Variants in ARID2 observed in about 807,000 individuals in gnomAD.
ARID2 encodes AT-rich interactive domain-containing protein 2.
Under a neutral mutation model 184.6 loss-of-function variants are expected in ARID2, and 32 were observed. The ratio of observed to expected loss-of-function variants is 0.17; its 90% CI spans 0.13 to 0.23. The LOEUF (loss-of-function observed/expected upper bound fraction) is 0.23. ARID2 is among the 10% of genes least tolerant of loss of function. The pLI, the probability that ARID2 is intolerant of heterozygous loss-of-function variation, is 1.00. For missense variants in ARID2, 1,696 were observed against 2,197.6 expected (o/e 0.77, Z 4.56); for synonymous variants, 836 against 772.6 (o/e 1.08, Z -1.36).
At chr12:45,787,484 C>T (rs1474628650) in intron 3 of ARID2, among the ~76,000 whole-genome samples, 1 of 151,954 alleles carries the variant, frequency 6.6e-6, no homozygotes, top group Non-Finnish European at 1.5e-5. Flanking sequence ...ATCCTCCCAC[C>T]TTCGCCTCCC....
At chr12:45,778,779 A>T (rs1021344592) in intron 3 of ARID2, among the ~76,000 whole-genome samples, 1 of 152,024 alleles carries the variant, frequency 6.6e-6, no homozygotes, top group East Asian at 1.9e-4. Flanking sequence ...TCTTTGGAAA[A>T]TAATGGGCTG....
In ARID2 at chr12:45,893,833, G is replaced by T. The variant is rs1944335048; in HGVS notation, c.5363+112G>T. 9.2e-6 allele frequency: 9 copies of T among 977,982 alleles called. No homozygotes were observed. The South Asian group carries it at 1.9e-4, about 21-fold the overall frequency. 60.6% of individuals were successfully genotyped at this position (977,982 alleles called of 1,614,324 possible). A position where few individuals can be genotyped will look rare whatever the true frequency, so the allele number is the denominator to read the frequency against. On this transcript the variant is annotated intron_variant, in intron 20 of 20. Coordinates refer to ENST00000334344, the MANE Select transcript of ARID2 (RefSeq NM_152641.4). ...CTTCATTGTTTTTCTCATCAATTTTGCAAATACATCCAAAAGTTTATGCCT... is the reference window on the plus strand; with the variant it reads ...CTTCATTGTTTTTCTCATCAATTTTTCAAATACATCCAAAAGTTTATGCCT...
chr12:45,801,228 C>T (rs865839618), intron 3 of ARID2, among the ~76,000 whole-genome samples: 17 of 151,414 alleles, frequency 1.1e-4, no homozygotes, highest in East Asian at 3.9e-4. Flanking sequence ...AGGAGAATGG[C>T]GTGAACCCGG....
At chr12:45,756,771 C>T (rs935814807) in intron 3 of ARID2, among the ~76,000 whole-genome samples, 4 of 152,050 alleles carry the variant, frequency 2.6e-5, no homozygotes, top group Admixed American at 6.5e-5. Context: ...TGGTGGCATG[C>T]GCCTTTAGTC....
intron 3 of ARID2, among the ~76,000 whole-genome samples, chr12:45,802,081 C>T (rs552696629): frequency 2.0e-5 from 3 of 150,342 alleles, no homozygotes; most frequent in Admixed American, 6.6e-5. Context: ...CACCCACCCC[C>T]GAGACGACAG....
chr12:45,875,360 T>C (rs926201790), intron 16 of ARID2, among the ~76,000 whole-genome samples: 2 of 152,256 alleles, frequency 1.3e-5, no homozygotes, highest in African/African-American at 4.8e-5. Context: ...TGTGCTATCA[T>C]CTAGGCTTTG....
intron 16 of ARID2, among the ~76,000 whole-genome samples, chr12:45,869,364 C>CG (rs1285299104): frequency 9.2e-5 from 14 of 151,436 alleles, no homozygotes; most frequent in Non-Finnish European, 5.9e-5. Context: ...ATAGTGAGCA[C>CG]TTTTTTTTAG....
At chr12:45,827,973 C>G (rs533645430) in intron 6 of ARID2, among the ~76,000 whole-genome samples, 24 of 152,074 alleles carry the variant, frequency 1.6e-4, no homozygotes, top group African/African-American at 5.3e-4. Flanking sequence ...GATGCATTGA[C>G]TTTGTAATTT....
At chr12:45,755,311 GTGGGATAGGTT>G (rs966285155) in intron 3 of ARID2, among the ~76,000 whole-genome samples, 10 of 152,190 alleles carry the variant, frequency 6.6e-5, no homozygotes, top group Admixed American at 6.5e-4. Context: ...ACATTGGTAT[GTGGGATAGGTT>G]TGAGATAGGA....
rs2138150473 is a variant in ARID2, at chr12:45,846,895, C to G, written c.1538C>G (p.Pro513Arg). 6.2e-7 allele frequency: 1 copy of G among 1,613,066 alleles called. No individual in the cohort carries two copies. The highest frequency in any genetic ancestry group is 8.5e-7 in the Non-Finnish European group (1 of 1,179,342). The change falls in exon 12 of 21, where the codon CCA becomes CGA. Residue 513 changes from proline to arginine, a missense_variant. Pro to Arg is a moderately radical substitution (Grantham distance 103). This residue lies in a region of ARID2 where 713 missense variants were observed against 824.4 expected (regional missense o/e 0.86). Coordinates refer to ENST00000334344, the MANE Select transcript of ARID2 (RefSeq NM_152641.4). ...AVVAQHVAPP[P>R]GIVEIDSEKF... is the part of the protein sequence containing the mutation. ...GTAGCGCAGCATGTTGCTCCACCTC[C>G]AGGAATAGTGGAAATAGATAGTGAG...
intron 6 of ARID2, among the ~76,000 whole-genome samples, chr12:45,834,259 C>T (rs754666769): frequency 6.6e-6 from 1 of 151,588 alleles, no homozygotes; most frequent in Non-Finnish European, 1.5e-5. Context: ...TTTAAATTTA[C>T]CTTTTTTTTT....
intron 3 of ARID2, among the ~76,000 whole-genome samples, chr12:45,754,804 A>G (rs1565583811): frequency 6.6e-6 from 1 of 152,204 alleles, no homozygotes; most frequent in Non-Finnish European, 1.5e-5. Flanking sequence ...CTAACATCAT[A>G]ACACAATACT....
intron 4 of ARID2, among the ~76,000 whole-genome samples, chr12:45,814,270 T>C (rs1942764709): frequency 6.6e-6 from 1 of 152,266 alleles, no homozygotes; most frequent in East Asian, 1.9e-4. Flanking sequence ...ACTCTCCCTT[T>C]CTTCTAAATT....
chr12:45,797,409 A>G (rs1942410860), intron 3 of ARID2, among the ~76,000 whole-genome samples: 1 of 151,812 alleles, frequency 6.6e-6, no homozygotes, highest in Non-Finnish European at 1.5e-5. Flanking sequence ...TAATTTTTAT[A>G]TTTTTAGTAG....
intron 3 of ARID2, among the ~76,000 whole-genome samples, chr12:45,784,859 A>G (rs528908998): frequency 8.5e-5 from 13 of 152,330 alleles, no homozygotes; most frequent in Non-Finnish European, 1.8e-4. Flanking sequence ...TTTACACACA[A>G]ATATTACTTA....
At chr12:45,744,104 C>T (rs1941314840) in intron 3 of ARID2, among the ~76,000 whole-genome samples, 1 of 151,816 alleles carries the variant, frequency 6.6e-6, no homozygotes, top group Non-Finnish European at 1.5e-5. Flanking sequence ...TTTCTTTTGT[C>T]TAATTGCATT....
At chr12:45,732,767 T>G (rs780099623) in intron 3 of ARID2, among the ~76,000 whole-genome samples, 1 of 152,184 alleles carries the variant, frequency 6.6e-6, no homozygotes, top group Admixed American at 6.5e-5. Context: ...ATTTGTTAGA[T>G]TGATTGACTT....
intron 16 of ARID2, among the ~76,000 whole-genome samples, chr12:45,880,075 A>G (rs1944074810): frequency 6.6e-6 from 1 of 152,178 alleles, no homozygotes; most frequent in Admixed American, 6.6e-5. Flanking sequence ...TGTTTTATAT[A>G]TAGGGGTTTT....
chr12:45,744,385 C>A (rs1447230697), intron 3 of ARID2, among the ~76,000 whole-genome samples: 1 of 151,580 alleles, frequency 6.6e-6, no homozygotes, highest in South Asian at 2.1e-4. Context: ...AGTTTAGTAT[C>A]TTTTTTTTAA....
Sources: allele counts gnomAD v4.1 joint callset (sites outside exome capture counted in the v4.1 genomes callset), GRCh38; gene constraint gnomAD v4.1.1; regional missense constraint gnomAD v4.1.1; transcripts MANE v1.5; gene names NCBI Gene and HGNC (gene_info 2026-07-23, HGNC 2026-07-21).